GALNT13: variants seen among roughly 807,000 people sequenced by gnomAD.
The protein encoded by GALNT13 is polypeptide N-acetylgalactosaminyltransferase 13, also known as UDP-GalNAc:polypeptide N-acetylgalactosaminyltransferase 13.
A neutral mutation model predicts 64.2 loss-of-function variants in GALNT13; 28 were observed. The observed-to-expected ratio is 0.44, with a 90% CI of 0.32 to 0.60. The LOEUF (loss-of-function observed/expected upper bound fraction) is 0.60, where lower values mean the gene tolerates loss of function less well. GALNT13 is among the 20% of genes least tolerant of loss of function. The pLI is 0.05. For synonymous variants in GALNT13, 214 were observed against 224.6 expected (o/e 0.95, Z 0.42); for missense variants, 577 against 669.8 (o/e 0.86, Z 1.53).
chr2:153,635,289 A>G, the GALNT13 span, among the ~76,000 whole-genome samples: 15 of 151,658 alleles, frequency 9.9e-5, no homozygotes, highest in East Asian at 7.8e-4. Context: ...CCTTTCCACA[A>G]TGCATTTTCT....
the GALNT13 span, among the ~76,000 whole-genome samples, chr2:153,259,290 C>T: frequency 7.6e-6 from 1 of 131,750 alleles, no homozygotes; most frequent in Non-Finnish European, 1.7e-5. Context: ...TCTTTCCGTT[C>T]TTTTATTTTC....
chr2:154,167,630 C>T (rs1685106155), intron 4 of GALNT13, among the ~76,000 whole-genome samples: 1 of 152,142 alleles, frequency 6.6e-6, no homozygotes, highest in Admixed American at 6.5e-5. Context: ...TGGCACTGAA[C>T]ACAGAGGGAG....
the GALNT13 span, among the ~76,000 whole-genome samples, chr2:153,757,836 T>C: frequency 6.6e-6 from 1 of 152,228 alleles, no homozygotes; most frequent in East Asian, 1.9e-4. Context: ...AGGTTATTTG[T>C]TTGCTTTCTA....
chr2:154,176,194 A>G (rs1409583325), intron 4 of GALNT13, among the ~76,000 whole-genome samples: 1 of 151,882 alleles, frequency 6.6e-6, no homozygotes, highest in African/African-American at 2.4e-5. Flanking sequence ...CTTAGAAGTC[A>G]GCATGATGCA....
the GALNT13 span, among the ~76,000 whole-genome samples, chr2:153,347,968 C>T: frequency 6.6e-6 from 1 of 152,112 alleles, no homozygotes; most frequent in African/African-American, 2.4e-5. Context: ...TCCTGCCTAG[C>T]TTGTTAATTA....
At chr2:153,695,940 C>T in the GALNT13 span, among the ~76,000 whole-genome samples, 1 of 152,110 alleles carries the variant, frequency 6.6e-6, no homozygotes, top group South Asian at 2.1e-4. Flanking sequence ...CCTGAAACCA[C>T]AGATAGTATT....
At chr2:153,497,132 G>A in the GALNT13 span, among the ~76,000 whole-genome samples, 1 of 151,896 alleles carries the variant, frequency 6.6e-6, no homozygotes, top group African/African-American at 2.4e-5. Flanking sequence ...ATTAAAACAT[G>A]CCTGTTGGCT....
At chr2:153,935,066 G>C (rs1359803294) in intron 2 of GALNT13, among the ~76,000 whole-genome samples, 3 of 152,122 alleles carry the variant, frequency 2.0e-5, no homozygotes, top group African/African-American at 4.8e-5. Context: ...AGGCTATTAT[G>C]AGCAGAACTT....
intron 3 of GALNT13, among the ~76,000 whole-genome samples, chr2:154,088,954 C>T (rs1169585961): frequency 6.6e-6 from 1 of 152,058 alleles, no homozygotes; most frequent in Non-Finnish European, 1.5e-5. Context: ...GACCAATCAT[C>T]TCTGAGATTT....
intron 11 of GALNT13, among the ~76,000 whole-genome samples, chr2:154,409,719 T>C (rs1427731172): frequency 1.3e-5 from 2 of 151,940 alleles, no homozygotes; most frequent in Non-Finnish European, 2.9e-5. Context: ...CTGGGAACTA[T>C]ACCAACAAAG....
At chr2:153,306,042 G>T in the GALNT13 span, among the ~76,000 whole-genome samples, 1 of 152,166 alleles carries the variant, frequency 6.6e-6, no homozygotes, top group Non-Finnish European at 1.5e-5. Context: ...ATGAACGGCT[G>T]ATGCTGAGTA....
the GALNT13 span, among the ~76,000 whole-genome samples, chr2:153,703,528 G>T: frequency 6.6e-6 from 1 of 151,498 alleles, no homozygotes; most frequent in Non-Finnish European, 1.5e-5. Flanking sequence ...CTTACTTGCA[G>T]TCATTTTTCC....
At chr2:153,265,596 T>C in the GALNT13 span, among the ~76,000 whole-genome samples, 3 of 152,170 alleles carry the variant, frequency 2.0e-5, no homozygotes, top group African/African-American at 7.2e-5. Flanking sequence ...TTGTACCCTC[T>C]TTAGTGTCTA....
rs10642626 is a variant in GALNT13 at position 153,942,691 on chromosome 2, TTA to T, written c.-104-1690_-104-1689del. ...CTTTGGATTTACATATATCTCTCCATTATATATATATATACACATTCTGAATA... is the reference window on the plus strand; with the variant it reads ...CTTTGGATTTACATATATCTCTCCATTATATATATATACACATTCTGAATA... On this transcript the variant is annotated intron_variant, in intron 2 of 12. Coordinates refer to ENST00000392825, the MANE Select transcript of GALNT13 (RefSeq NM_052917.4). Among the ~76,000 whole-genome samples the T allele has an allele frequency of 6.0e-3, 906 of 150,388 alleles. 5 individuals are homozygous for T. Among genetic ancestry groups the T allele is most frequent in the Non-Finnish European group, 1.0e-2 (674 of 67,424 alleles).
At chr2:153,843,653 G>A in the GALNT13 span, among the ~76,000 whole-genome samples, 1 of 152,250 alleles carries the variant, frequency 6.6e-6, no homozygotes, top group South Asian at 2.1e-4. Flanking sequence ...AAAATCCAAG[G>A]TTTCATGTGT....
the GALNT13 span, among the ~76,000 whole-genome samples, chr2:153,145,153 T>C: frequency 1.3e-5 from 2 of 151,916 alleles, no homozygotes; most frequent in East Asian, 1.9e-4. Flanking sequence ...AAATTTGTCA[T>C]CTATTATGGT....
At chr2:153,718,431 T>TTTTTG in the GALNT13 span, among the ~76,000 whole-genome samples, 5 of 151,354 alleles carry the variant, frequency 3.3e-5, no homozygotes, top group African/African-American at 7.3e-5. Flanking sequence ...TTTTTTCATG[T>TTTTTG]TTTTGTTTTG....
At chr2:153,243,557 G>A in the GALNT13 span, among the ~76,000 whole-genome samples, 1 of 144,878 alleles carries the variant, frequency 6.9e-6, no homozygotes, top group African/African-American at 2.9e-5. Flanking sequence ...TGGAGAAACA[G>A]TTTTAACATA....
intron 2 of GALNT13, among the ~76,000 whole-genome samples, chr2:153,904,454 AAG>A (rs1174956554): frequency 6.6e-6 from 1 of 151,904 alleles, no homozygotes; most frequent in African/African-American, 2.4e-5. Flanking sequence ...ATTAGTGTGT[AAG>A]AGTTTCCATT....
Sources: allele counts gnomAD v4.1 joint callset (sites outside exome capture counted in the v4.1 genomes callset), GRCh38; gene constraint gnomAD v4.1.1; transcripts MANE v1.5; gene names NCBI Gene and HGNC (gene_info 2026-07-23, HGNC 2026-07-21).